The following PLEKHG5 variants were observed in gnomAD, a reference collection of about 807,000 sequenced individuals.
The protein encoded by PLEKHG5 is pleckstrin homology domain-containing family G member 5.
In PLEKHG5, 52 loss-of-function variants were observed where a neutral mutation model predicts 103.8. That is an observed-to-expected ratio of 0.50 (90% confidence interval 0.40 to 0.63). PLEKHG5 has a LOEUF of 0.63. Ranked by LOEUF, PLEKHG5 falls within the 30% of genes least tolerant of loss-of-function variation. The pLI is 0.00. For synonymous variants in PLEKHG5, 592 were observed against 575.5 expected, an observed-to-expected ratio of 1.03 and a Z score of -0.41; for missense variants, 1,205 against 1,347.6, an observed-to-expected ratio of 0.89 and a Z score of 1.66.
intron 1 of PLEKHG5, among the ~76,000 whole-genome samples, chr1:6,504,096 C>T (rs737243): frequency 0.82 from 124,042 of 152,188 alleles, 51,264 homozygotes; most frequent in African/African-American, 0.96. Flanking sequence ...GGTGGCTAAA[C>T]GACCTGGGTC....
intron 1 of PLEKHG5, among the ~76,000 whole-genome samples, chr1:6,508,528 C>T (rs527783585): frequency 6.6e-5 from 10 of 152,306 alleles, no homozygotes; most frequent in Admixed American, 3.9e-4. Flanking sequence ...CCACAGTGCT[C>T]GAGGGTGCAG....
rs1048062029 is a variant in PLEKHG5, at chr1:6,485,429, G to A, written c.-88+6208C>T. ...AGGCTGCTAGGCGTCCGGAGACACCGGGTCCTGTCCCCATGGCGGCCGGAG... is the reference window on the plus strand; with the variant it reads ...AGGCTGCTAGGCGTCCGGAGACACCAGGTCCTGTCCCCATGGCGGCCGGAG... On this transcript the variant is annotated intron_variant, in intron 1 of 20. Transcript: ENST00000377728. 2.1e-4 allele frequency: 282 copies of A among 1,322,926 alleles called. 1 individual carries two copies. The highest frequency in any genetic ancestry group is 2.7e-4 in the Non-Finnish European group (276 of 1,041,062). 81.9% of individuals were successfully genotyped at this position (1,322,926 alleles called of 1,614,324 possible). A position where few individuals can be genotyped will look rare whatever the true frequency, so the allele number is the denominator to read the frequency against.
Position 6,474,066 on chromosome 1 carries a change from G to A in PLEKHG5, c.538C>T (p.Pro180Ser), listed in dbSNP as rs752485682. 8 of 1,612,222 alleles carry A rather than the reference G, an allele frequency of 5.0e-6. No homozygotes were observed. The Admixed American group carries it at 1.2e-4, about 24-fold the overall frequency. The stretch of plus-strand genomic sequence containing the variant: ...TGGGCGTCCACACGCTCCAGGGCGG[G>A]GGGCCCGGTCCCAGCTGGCCGCAGA... ...PILRPAGTGP[P>S]ALERVDAQSR... is the part of the protein sequence containing the mutation. Residue 180 changes from proline to serine, a missense_variant, in exon 7 of 21, where the codon CCC becomes TCC. Transcript: ENST00000377728.
chr1:6,502,227 ACACTGGTTGGAGCGT>A, intron 1 of PLEKHG5, among the ~76,000 whole-genome samples: 1 of 152,366 alleles, frequency 6.6e-6, no homozygotes, highest in African/African-American at 2.4e-5. Flanking sequence ...CCTATGCAGG[ACACTGGTTGGAGCGT>A]CACTGGAGGC....
At chr1:6,493,519 TC>T (rs982065077), upstream of PLEKHG5, among the ~76,000 whole-genome samples, 4 of 152,210 alleles carry the variant, frequency 2.6e-5, no homozygotes, top group African/African-American at 9.7e-5. Context: ...GGCCTCCGTT[TC>T]CTTACAAGTC....
Position 6,475,513 on chromosome 1 carries a change from C to G in PLEKHG5, c.159G>C (p.Lys53Asn). ...ESSVDGKGDR[K>N]STGLKLSKKK... The stretch of plus-strand genomic sequence containing the variant: ...TCTTGGAGAGTTTCAGGCCTGTGCT[C>G]TTCCGGTCCCTGCAGGGAAGCGAGG... Residue 53 changes from lysine (K) to asparagine (N), a missense_variant, in exon 4 of 21, where the codon AAG becomes AAC. Lys to Asn is a moderately conservative substitution (Grantham distance 94). Transcript: ENST00000377728. 1 of 1,613,502 alleles carries G rather than the reference C, an allele frequency of 6.2e-7. No individual in the cohort carries two copies.
At chr1:6,492,574 G>A (rs779365565), upstream of PLEKHG5, among the ~76,000 whole-genome samples, 31 of 152,200 alleles carry the variant, frequency 2.0e-4, no homozygotes, top group Non-Finnish European at 1.8e-4. Context: ...AAGTCTAGAG[G>A]TGACTTTGTT....
upstream of PLEKHG5, among the ~76,000 whole-genome samples, chr1:6,498,505 C>T (rs944618538): frequency 6.6e-6 from 1 of 152,248 alleles, no homozygotes; most frequent in Non-Finnish European, 1.5e-5. Context: ...TGAGGATCCC[C>T]ATGAGCCAAG....
At position 6,470,269 on chromosome 1, in the gene PLEKHG5, C is replaced by T; in HGVS notation, c.1767G>A (p.Gly589=). 6.2e-7 allele frequency: 1 copy of T among 1,614,004 alleles called. No homozygotes were observed. The highest frequency in any genetic ancestry group is 8.5e-7 in the Non-Finnish European group (1 of 1,180,000). ...PEETRQLLLE[G]SLRMKEGKDS... Reference sequence around the variant, plus strand: ...CCTTCCCCTCCTTCATCCTCAGGCTCCCCTCCAGCAGCAGCTGCCGCGTCT... The same window carrying T: ...CCTTCCCCTCCTTCATCCTCAGGCTTCCCTCCAGCAGCAGCTGCCGCGTCT... Residue 589 remains glycine, a synonymous_variant, in exon 16 of 21, where the codon GGG becomes GGA. Coordinates refer to ENST00000377728, the MANE Select transcript of PLEKHG5 (RefSeq NM_020631.6).
chr1:6,472,763 C>T lies in PLEKHG5; in HGVS notation c.985-141G>A. ...AGAGGAGCAGGGTCACCCTTGACACCACATGAGTAATCACAGTTAAGACAC... is the reference window on the plus strand; with the variant it reads ...AGAGGAGCAGGGTCACCCTTGACACTACATGAGTAATCACAGTTAAGACAC... On this transcript the variant is annotated intron_variant, in intron 9 of 20. Transcript: ENST00000377728. 5 of 756,450 alleles carry T rather than the reference C, an allele frequency of 6.6e-6. No homozygotes were observed. The South Asian group carries it at 7.4e-5, about 11-fold the overall frequency. 46.9% of individuals were successfully genotyped at this position (756,450 alleles called of 1,614,324 possible).
In PLEKHG5 at chr1:6,519,453, G is replaced by A. The variant is rs759203615; in HGVS notation, c.-173C>T. ...ATAGAAAACATACTCACCGGTTCCT[G>A]AACAAAGGCTGAGCCAGCTTCGAGG... is the stretch of plus-strand genomic sequence containing the variant. On this transcript the variant is annotated 5_prime_UTR_variant, in exon 1 of 22. Coordinates refer to the PLEKHG5 transcript ENST00000377740. 6 of 1,612,600 alleles carry A rather than the reference G, an allele frequency of 3.7e-6. No individual in the cohort carries two copies. The South Asian group carries it at 6.6e-5, about 18-fold the overall frequency.
Position 6,505,094 on chromosome 1 carries a change from G to A in PLEKHG5, c.-164-8525C>T, listed in dbSNP as rs1243392605. 6.6e-6 allele frequency among the ~76,000 whole-genome samples: 1 copy of A among 152,174 alleles called. No individual in the cohort carries two copies. Among genetic ancestry groups the A allele is most frequent in the African/African-American group, 2.4e-5 (1 of 41,432 alleles). On this transcript the variant is annotated intron_variant, in intron 1 of 21. Transcript: ENST00000377740. The surrounding 1 kb of genome is among the most constrained non-coding windows in gnomAD (Gnocchi z 4.2). ...TGGGCCCGAGGATGAGGCTAATGGAGAAGAGAACCCAGGCCCAGGCCCCGG... is the reference window on the plus strand; with the variant it reads ...TGGGCCCGAGGATGAGGCTAATGGAAAAGAGAACCCAGGCCCAGGCCCCGG...
At chr1:6,492,169 G>A (rs1172521819), upstream of PLEKHG5, among the ~76,000 whole-genome samples, 1 of 152,212 alleles carries the variant, frequency 6.6e-6, no homozygotes, top group African/African-American at 2.4e-5. Context: ...TCTGTGCCAG[G>A]CGCTAAGGCA....
intron 3 of PLEKHG5, 83 bp from the exon 4 acceptor site, chr1:6,475,605 C>A: frequency 8.3e-7 from 1 of 1,199,928 alleles, no homozygotes; most frequent in African/African-American, 1.5e-5. Context: ...GTGGCCTCCC[C>A]GCCCTTGGCT....
Position 6,475,050 on chromosome 1 carries a change from A to T in PLEKHG5, c.299T>A (p.Leu100Gln). 6.3e-7 allele frequency: 1 copy of T among 1,591,950 alleles called. No homozygotes were observed. Among genetic ancestry groups the T allele is most frequent in the Non-Finnish European group, 8.6e-7 (1 of 1,159,864 alleles). ...CCTGAGCCCCATCAAGCCCTACCCC[A>T]GTGACTTCTTCTTCATGGCTGGGAC... is the stretch of plus-strand genomic sequence containing the variant. ...EIVPAMKKKS[L>Q]GEVLLPVFER... The change falls in exon 5 of 21, where the codon CTG becomes CAG. Residue 100 changes from leucine to glutamine, a missense_variant. Coordinates refer to ENST00000377728, the MANE Select transcript of PLEKHG5 (RefSeq NM_020631.6).
At chr1:6,506,441 C>T (rs79739762) in intron 1 of PLEKHG5, among the ~76,000 whole-genome samples, 9 of 152,210 alleles carry the variant, frequency 5.9e-5, no homozygotes, top group Non-Finnish European at 4.4e-5. Flanking sequence ...GAGCCCCCAC[C>T]GAGGAGACGG....
chr1:6,485,539 G>A (rs1645011466), intron 1 of PLEKHG5: 1 of 1,181,662 alleles, frequency 8.5e-7, no homozygotes, highest in Non-Finnish European at 1.1e-6. Flanking sequence ...CCCGCCGAGC[G>A]CGGGGACCCC....
exon 1 of PLEKHG5, chr1:6,519,719 A>G: frequency 1.6e-6 from 1 of 622,468 alleles, no homozygotes; most frequent in Non-Finnish European, 2.9e-6. Flanking sequence ...AGCCCTGCCA[A>G]TTTGCTCCCC....
upstream of PLEKHG5, chr1:6,497,267 C>A: frequency 2.2e-6 from 2 of 904,924 alleles, no homozygotes; most frequent in South Asian, 2.9e-5. The surrounding 1 kb of genome is among the most constrained non-coding windows in gnomAD (Gnocchi z 6.1). Flanking sequence ...TAGGAGCCGG[C>A]CCGGCCCCCC....
Sources: allele counts gnomAD v4.1 joint callset (sites outside exome capture counted in the v4.1 genomes callset), GRCh38; gene constraint gnomAD v4.1.1; non-coding constraint Gnocchi (gnomAD v3.1); transcripts MANE v1.5; gene names NCBI Gene and HGNC (gene_info 2026-07-23, HGNC 2026-07-21).